BEGAIN: variants seen among roughly 807,000 people sequenced by gnomAD.
BEGAIN encodes the protein brain-enriched guanylate kinase-associated protein.
BEGAIN carries 19 observed loss-of-function variants against 35.8 expected under a neutral mutation model. The observed-to-expected ratio is 0.53, with a 90% CI of 0.37 to 0.78. The LOEUF (loss-of-function observed/expected upper bound fraction) is 0.78. Ranked by LOEUF, BEGAIN falls within the 30% of genes least tolerant of loss-of-function variation. BEGAIN has a pLI of 0.00. For missense variants in BEGAIN, 795 were observed against 853.6 expected, an observed-to-expected ratio of 0.93 and a Z score of 0.85; for synonymous variants, 462 against 388.6, an observed-to-expected ratio of 1.19 and a Z score of -2.22.
intron 2 of BEGAIN, among the ~76,000 whole-genome samples, chr14:100,562,169 G>A (rs746689216): frequency 6.6e-6 from 1 of 152,108 alleles, no homozygotes; most frequent in Non-Finnish European, 1.5e-5. Flanking sequence ...GAGGAGACAA[G>A]AGATGGAGAG....
Position 100,568,027 on chromosome 14 carries a change from CG to C in BEGAIN, c.43-89del. The C allele has an allele frequency of 8.3e-7, 1 of 1,209,258 alleles. No individual in the cohort carries two copies. The highest frequency in any genetic ancestry group is 1.0e-6 in the Non-Finnish European group (1 of 964,766). The allele number at this position is 1,209,258 out of a possible 1,614,324, so 74.9% of individuals were successfully genotyped here. Reference sequence around the variant, plus strand: ...CAGAGCCGGGCACAGCGGGCACGGCCGGGCAACCCCGCGGGGCCCCGTCCGT... The same window carrying C: ...CAGAGCCGGGCACAGCGGGCACGGCCGGCAACCCCGCGGGGCCCCGTCCGT... On this transcript the variant is annotated intron_variant, in intron 1 of 6. Coordinates refer to ENST00000554140, the MANE Select transcript of BEGAIN (RefSeq NM_001385089.1). This position sits in a 1 kb window ranked among gnomAD's most constrained non-coding sequence, Gnocchi z 7.5.
chr14:100,549,136 TGGTCCGGCGATCACACCACA>T (rs1382535748), intron 2 of BEGAIN: 4 of 152,542 alleles, frequency 2.6e-5, no homozygotes, highest in African/African-American at 9.6e-5. Flanking sequence ...CCACCTCTGC[TGGTCCGGCGATCACACCACA>T]GGCCCCTCCC....
intron 2 of BEGAIN, chr14:100,548,443 G>T (rs1282210929): frequency 1.3e-5 from 2 of 152,172 alleles, no homozygotes; most frequent in African/African-American, 4.8e-5. Flanking sequence ...CACAGCCCTC[G>T]GGAAGAGGTG....
At chr14:100,550,462 A>G (rs986689184) in intron 2 of BEGAIN, 4 of 399,192 alleles carry the variant, frequency 1.0e-5, no homozygotes, top group African/African-American at 8.2e-5. Flanking sequence ...CCGGCCCTGC[A>G]GTACTCGGGG....
At chr14:100,575,741 G>C (rs541949119) in intron 1 of BEGAIN, among the ~76,000 whole-genome samples, 1 of 152,100 alleles carries the variant, frequency 6.6e-6, no homozygotes, top group African/African-American at 2.4e-5. Context: ...GCCACCTCCC[G>C]CTTCAAGGAG....
At chr14:100,565,764 C>T (rs780726179) in intron 2 of BEGAIN, among the ~76,000 whole-genome samples, 4 of 152,198 alleles carry the variant, frequency 2.6e-5, no homozygotes, top group African/African-American at 4.8e-5. Context: ...AGGAGAGATG[C>T]TTCCACCACA....
rs948818377 is a variant in BEGAIN at position 100,558,237 on chromosome 14, C to T, written c.71+9674G>A. ...CTCTGCCTCCTTACTCCTAGCCTGC[C>T]GGGATGGGACCAATGCCCACCAGGA... is the stretch of plus-strand genomic sequence containing the variant. On this transcript the variant is annotated intron_variant, in intron 2 of 6. Transcript: ENST00000554140. This position sits in a 1 kb window ranked among gnomAD's most constrained non-coding sequence, Gnocchi z 4.6. Among the ~76,000 whole-genome samples, 4 of 152,156 alleles carry T rather than the reference C, an allele frequency of 2.6e-5. No individual in the cohort carries two copies. Among genetic ancestry groups the T allele is most frequent in the African/African-American group, 7.2e-5 (3 of 41,418 alleles).
At chr14:100,580,615 C>T (rs956053113) in intron 1 of BEGAIN, among the ~76,000 whole-genome samples, 2 of 152,148 alleles carry the variant, frequency 1.3e-5, no homozygotes, top group Non-Finnish European at 2.9e-5. Context: ...CACAGCCTGT[C>T]CCCCTCTGTC....
intron 1 of BEGAIN, among the ~76,000 whole-genome samples, chr14:100,572,059 C>T (rs2035096042): frequency 6.6e-6 from 1 of 152,192 alleles, no homozygotes; most frequent in Admixed American, 6.5e-5. Context: ...GGCACCTGCT[C>T]CTCAGCCCTG....
intron 2 of BEGAIN, chr14:100,547,213 G>A (rs1050149347): frequency 2.0e-5 from 3 of 152,270 alleles, no homozygotes; most frequent in Admixed American, 1.3e-4. Context: ...CACTTCTCTG[G>A]GCCAGAGAGA....
At chr14:100,579,962 C>G (rs976992239) in intron 1 of BEGAIN, among the ~76,000 whole-genome samples, 1 of 152,204 alleles carries the variant, frequency 6.6e-6, no homozygotes, top group Admixed American at 6.5e-5. Context: ...TGAGTCGATG[C>G]GGATCCAGCC....
chr14:100,552,752 C>T (rs74713323), intron 2 of BEGAIN, among the ~76,000 whole-genome samples: 2,545 of 152,320 alleles, frequency 0.017, 70 homozygotes, highest in African/African-American at 0.058. Context: ...CAGTAGAGCA[C>T]GTGGTCCCTA....
chr14:100,574,482 C>G (rs1338981226), intron 1 of BEGAIN, among the ~76,000 whole-genome samples: 2 of 151,710 alleles, frequency 1.3e-5, no homozygotes, highest in Admixed American at 1.3e-4. Flanking sequence ...CTAAATCTGG[C>G]CCACCACCAG....
Position 100,586,352 on chromosome 14 carries a change from G to T in BEGAIN, c.42+897C>A, listed in dbSNP as rs1334668882. On this transcript the variant is annotated intron_variant, in intron 1 of 6. Coordinates refer to ENST00000554140, the MANE Select transcript of BEGAIN (RefSeq NM_001385089.1). This position sits in a 1 kb window ranked among gnomAD's most constrained non-coding sequence, Gnocchi z 4.9. The stretch of plus-strand genomic sequence containing the variant: ...GCCTGGACCCCCAGTCTGCACTGGC[G>T]GCCGACCTTGGCCATGCGGACTTTG... Among the ~76,000 whole-genome samples the T allele has an allele frequency of 6.6e-6, 1 of 152,142 alleles. No individual in the cohort carries two copies. Among genetic ancestry groups the T allele is most frequent in the African/African-American group, 2.4e-5 (1 of 41,440 alleles).
chr14:100,587,230 C>G lies in BEGAIN; in HGVS notation c.42+19G>C. On this transcript the variant is annotated intron_variant, in intron 1 of 6. Coordinates refer to ENST00000554140, the MANE Select transcript of BEGAIN (RefSeq NM_001385089.1). ...GCGCCCGCGCCCGCGCCCTGCCCTC[C>G]CGGCTCGCAGGTACTCACCGCCCGG... 1 of 191,972 alleles carries G rather than the reference C, an allele frequency of 5.2e-6. No homozygotes were observed. The highest frequency in any genetic ancestry group is 8.1e-5 in the South Asian group (1 of 12,330). The allele number at this position is 191,972 out of a possible 1,614,324, so 11.9% of individuals were successfully genotyped here.
intron 2 of BEGAIN, among the ~76,000 whole-genome samples, chr14:100,566,609 C>T (rs939918436): frequency 4.6e-5 from 7 of 152,334 alleles, no homozygotes; most frequent in East Asian, 1.9e-4. Context: ...TGAGTTTGGG[C>T]CTGAGGTCAT....
In BEGAIN at chr14:100,587,270, C is replaced by T. The variant is rs1253081041; in HGVS notation, c.21G>A (p.Arg7=). The change falls in exon 1 of 7, where the codon CGG becomes CGA. Residue 7 remains arginine (R), a synonymous_variant. Coordinates refer to ENST00000554140, the MANE Select transcript of BEGAIN (RefSeq NM_001385089.1). The part of the protein sequence containing the change: MWTGGR[R]PGRLRRAASA... ...TCACCGCCCGGCGCAGCCGGCCCGGCCGGCGACCGCCAGTCCACATGGCCC... is the reference window on the plus strand; with the variant it reads ...TCACCGCCCGGCGCAGCCGGCCCGGTCGGCGACCGCCAGTCCACATGGCCC... 1 of 189,786 alleles carries T rather than the reference C, an allele frequency of 5.3e-6. No homozygotes were observed. The highest frequency in any genetic ancestry group is 1.1e-5 in the Non-Finnish European group (1 of 92,008). 11.8% of individuals were successfully genotyped at this position (189,786 alleles called of 1,614,324 possible).
At chr14:100,553,268 G>A (rs545600331) in intron 2 of BEGAIN, among the ~76,000 whole-genome samples, 1 of 152,044 alleles carries the variant, frequency 6.6e-6, no homozygotes, top group Non-Finnish European at 1.5e-5. Flanking sequence ...CCCTCCCGCC[G>A]CCTCTCAGCC....
In BEGAIN at chr14:100,574,080, C is replaced by T. The variant is rs538327459; in HGVS notation, c.43-6141G>A. 1.1e-4 allele frequency among the ~76,000 whole-genome samples: 17 copies of T among 152,316 alleles called. No homozygotes were observed. In the East Asian group the frequency reaches 2.5e-3, roughly 22 times the overall value. On this transcript the variant is annotated intron_variant, in intron 1 of 6. Coordinates refer to ENST00000554140, the MANE Select transcript of BEGAIN (RefSeq NM_001385089.1). ...CAAGGACGGAGAGCCGCCTGGGCCT[C>T]GTGAACCCCAGGCATCCCCAAGGGC...
Sources: allele counts gnomAD v4.1 joint callset (sites outside exome capture counted in the v4.1 genomes callset), GRCh38; gene constraint gnomAD v4.1.1; non-coding constraint Gnocchi (gnomAD v3.1); transcripts MANE v1.5; gene names NCBI Gene and HGNC (gene_info 2026-07-23, HGNC 2026-07-21).